COBLL1: variants seen among roughly 807,000 people sequenced by gnomAD.
COBLL1 encodes cordon-bleu WH2 repeat protein like 1.
A neutral mutation model predicts 94.8 loss-of-function variants in COBLL1; 50 were observed. The ratio of observed to expected loss-of-function variants is 0.53; its 90% CI spans 0.42 to 0.67. The LOEUF is 0.67. Ranked by LOEUF, COBLL1 falls within the 30% of genes least tolerant of loss-of-function variation. COBLL1 has a pLI of 0.00. For synonymous variants in COBLL1, 448 were observed against 473.8 expected (o/e 0.95, Z 0.71); for missense variants, 1,362 against 1,348.7 (o/e 1.01, Z -0.15).
chr2:164,750,496 G>A (rs1338936581), intron 2 of COBLL1, among the ~76,000 whole-genome samples: 1 of 152,090 alleles, frequency 6.6e-6, no homozygotes, highest in African/African-American at 2.4e-5. Flanking sequence ...CTACCACCCT[G>A]GTAATCAAGG....
At chr2:164,705,854 T>C (rs901337711) in intron 7 of COBLL1, among the ~76,000 whole-genome samples, 3 of 152,134 alleles carry the variant, frequency 2.0e-5, no homozygotes, top group Admixed American at 6.5e-5. Context: ...GCCAACGTAG[T>C]GAAAGCCCGT....
intron 2 of COBLL1, among the ~76,000 whole-genome samples, chr2:164,788,993 G>A (rs1162850832): frequency 6.7e-6 from 1 of 148,830 alleles, no homozygotes; most frequent in African/African-American, 2.4e-5. Flanking sequence ...AGTAACAAAC[G>A]AGATTACCTG....
intron 3 of COBLL1, among the ~76,000 whole-genome samples, chr2:164,740,477 G>A (rs1247407533): frequency 6.6e-6 from 1 of 152,142 alleles, no homozygotes; most frequent in East Asian, 1.9e-4. Context: ...CTTGCTCTCT[G>A]CCTGGAGAAA....
chr2:164,727,841 ATTACTT>A (rs1574480514), intron 5 of COBLL1, 122 bp downstream of exon 5: 1 of 483,156 alleles, frequency 2.1e-6, no homozygotes, highest in East Asian at 3.1e-5. Flanking sequence ...ATGCCAAGTA[ATTACTT>A]TTATCTATAG....
Position 164,696,876 on chromosome 2 carries a change from G to A in COBLL1, c.1556-1040C>T, listed in dbSNP as rs558860063. 2.0e-5 allele frequency: 3 copies of A among 152,226 alleles called. No individual in the cohort carries two copies. In the South Asian group the frequency reaches 6.2e-4, roughly 32 times the overall value. 9.4% of individuals were successfully genotyped at this position (152,226 alleles called of 1,614,324 possible). On this transcript the variant is annotated intron_variant, in intron 11 of 13. Coordinates refer to ENST00000652658, the MANE Select transcript of COBLL1 (RefSeq NM_001365672.2). ...CTGTGCTTATCTTCAAAACCCTAGT[G>A]GCCTTTTCACATATGGCAATAGTTT...
At chr2:164,691,180 C>T (rs1683571966) in intron 13 of COBLL1, among the ~76,000 whole-genome samples, 1 of 152,142 alleles carries the variant, frequency 6.6e-6, no homozygotes, top group South Asian at 2.1e-4. Context: ...TCACTCATAC[C>T]TCCTCACATA....
chr2:164,709,949 C>T (rs1684799705), intron 7 of COBLL1, among the ~76,000 whole-genome samples: 1 of 151,758 alleles, frequency 6.6e-6, no homozygotes, highest in African/African-American at 2.4e-5. Flanking sequence ...AGATAATAAC[C>T]AACAGATTAA....
At chr2:164,823,200 C>T (rs1685267382) in intron 2 of COBLL1, among the ~76,000 whole-genome samples, 2 of 152,160 alleles carry the variant, frequency 1.3e-5, no homozygotes, top group South Asian at 4.1e-4. Context: ...CGAGCAGTTA[C>T]ATTACTCCGT....
intron 2 of COBLL1, among the ~76,000 whole-genome samples, chr2:164,786,197 A>G (rs1688947744): frequency 6.6e-6 from 1 of 152,160 alleles, no homozygotes; most frequent in African/African-American, 2.4e-5. Flanking sequence ...CTCTGTTTGG[A>G]GTCTTTTCTG....
chr2:164,794,745 C>T (rs1316822561), intron 2 of COBLL1, among the ~76,000 whole-genome samples: 1 of 131,056 alleles, frequency 7.6e-6, no homozygotes, highest in East Asian at 2.0e-4. Flanking sequence ...AATCACAAGG[C>T]AATTTCAACC....
At chr2:164,807,212 G>A (rs375969159) in intron 2 of COBLL1, among the ~76,000 whole-genome samples, 8 of 152,178 alleles carry the variant, frequency 5.3e-5, no homozygotes, top group African/African-American at 1.7e-4. Context: ...TTGGGAGACC[G>A]AGGTGGGTGT....
chr2:164,703,527 C>A, intron 9 of COBLL1: 2 of 399,480 alleles, frequency 5.0e-6, no homozygotes, highest in Non-Finnish European at 9.6e-6. Flanking sequence ...TGAGTAAAAG[C>A]TGAGAAAAAT....
chr2:164,779,620 T>C (rs1333352669), intron 2 of COBLL1: 2 of 469,478 alleles, frequency 4.3e-6, no homozygotes, highest in Non-Finnish European at 8.8e-6. Flanking sequence ...CTTCCCAGCC[T>C]CCCACAGATT....
intron 2 of COBLL1, among the ~76,000 whole-genome samples, chr2:164,795,153 G>GTTACC (rs1683379933): frequency 1.3e-5 from 2 of 151,952 alleles, no homozygotes; most frequent in Admixed American, 6.6e-5. Flanking sequence ...CTCTTTAAAG[G>GTTACC]TACTCCTTTA....
chr2:164,704,777 C>T (rs190359166), intron 8 of COBLL1, among the ~76,000 whole-genome samples, 175 bp downstream of exon 8: 1 of 152,306 alleles, frequency 6.6e-6, no homozygotes, highest in Admixed American at 6.5e-5. Context: ...AATTTTGACA[C>T]TTTATTTGGT....
In COBLL1 at chr2:164,722,299, G is replaced by A. The variant is rs780175733; in HGVS notation, c.772C>T (p.Pro258Ser). 5.6e-6 allele frequency: 9 copies of A among 1,612,892 alleles called. No homozygotes were observed. The South Asian group carries it at 7.7e-5, about 14-fold the overall frequency. ...KKKRDQTASAPATPLVNKHRP... is the reference protein window; with the variant it reads ...KKKRDQTASASATPLVNKHRP... Reference sequence around the variant, plus strand: ...TGCTTATTTACTAGAGGGGTTGCAGGGGCACTTGCAGTCTAGTAAAGAATG... The same window carrying A: ...TGCTTATTTACTAGAGGGGTTGCAGAGGCACTTGCAGTCTAGTAAAGAATG... Residue 258 changes from proline to serine, a missense_variant, in exon 7 of 14, where the codon CCT (proline) becomes TCT (serine). Physicochemically the swap from Pro to Ser is moderately conservative, Grantham distance 74 (BLOSUM62 -1). Coordinates refer to ENST00000652658, the MANE Select transcript of COBLL1 (RefSeq NM_001365672.2).
intron 5 of COBLL1, 47 bp downstream of exon 5, chr2:164,727,922 C>G: frequency 7.7e-7 from 1 of 1,305,854 alleles, no homozygotes; most frequent in Non-Finnish European, 1.1e-6. Context: ...CAAACATATA[C>G]AAATATACAC....
chr2:164,698,600 G>GT (rs1349536058), intron 11 of COBLL1, among the ~76,000 whole-genome samples: 2 of 151,668 alleles, frequency 1.3e-5, no homozygotes, highest in Non-Finnish European at 2.9e-5. Flanking sequence ...GCATAGGATT[G>GT]TTTTTCTGAA....
intron 2 of COBLL1, among the ~76,000 whole-genome samples, chr2:164,782,806 T>G (rs1453999535): frequency 1.3e-5 from 2 of 152,142 alleles, no homozygotes; most frequent in Non-Finnish European, 2.9e-5. Context: ...TAACATTCTA[T>G]AAATATATCA....
Sources: gnomAD v4.1 joint callset for allele counts (sites outside exome capture counted in the v4.1 genomes callset) on GRCh38, gnomAD v4.1.1 for gene constraint, MANE v1.5 for transcripts, NCBI Gene and HGNC (gene_info 2026-07-23, HGNC 2026-07-21) for gene names.